GNAQ: variants seen among roughly 807,000 people sequenced by gnomAD.
GNAQ encodes the protein G protein subunit alpha q, also known as guanine nucleotide-binding protein G(q) subunit alpha.
GNAQ carries 8 observed loss-of-function variants against 43.9 expected under a neutral mutation model. The observed-to-expected ratio is 0.18, with a 90% CI of 0.11 to 0.33. GNAQ has a LOEUF of 0.33. Among genes scored for constraint, GNAQ ranks in the 10% least tolerant of loss-of-function variants. GNAQ has a pLI of 1.00. For missense variants in GNAQ, 158 were observed against 450.8 expected (o/e 0.35, Z 5.88); for synonymous variants, 155 against 170.7 (o/e 0.91, Z 0.71).
At chr9:77,981,411 A>C (rs1300034972) in intron 1 of GNAQ, among the ~76,000 whole-genome samples, 1 of 152,240 alleles carries the variant, frequency 6.6e-6, no homozygotes, top group Non-Finnish European at 1.5e-5. Context: ...TTCCTTTGCA[A>C]GAGGCTGTGC....
At chr9:77,894,338 T>TTA (rs1554723826) in intron 2 of GNAQ, among the ~76,000 whole-genome samples, 1 of 9,962 alleles carries the variant, frequency 1.0e-4, no homozygotes, top group African/African-American at 2.1e-4. Flanking sequence ...AAAATATATA[T>TTA]TATATATATT....
intron 1 of GNAQ, among the ~76,000 whole-genome samples, chr9:78,015,996 T>A (rs1426634806): frequency 6.6e-6 from 1 of 151,868 alleles, no homozygotes; most frequent in Non-Finnish European, 1.5e-5. Flanking sequence ...TCAAGACAAC[T>A]CAATGAGAAA....
At chr9:77,906,754 T>C (rs913224571) in intron 2 of GNAQ, among the ~76,000 whole-genome samples, 1 of 152,244 alleles carries the variant, frequency 6.6e-6, no homozygotes. Flanking sequence ...ACTTTGCTGC[T>C]AAAATGTTAA....
At chr9:77,980,635 C>T (rs1454085610) in intron 1 of GNAQ, among the ~76,000 whole-genome samples, 1 of 151,020 alleles carries the variant, frequency 6.6e-6, no homozygotes, top group Non-Finnish European at 1.5e-5. Flanking sequence ...AATTAAGAAG[C>T]AATTCCAAAA....
chr9:77,842,513 G>A (rs562621556), intron 2 of GNAQ, among the ~76,000 whole-genome samples: 21 of 152,148 alleles, frequency 1.4e-4, no homozygotes, highest in South Asian at 8.3e-4. Flanking sequence ...TTAGAAAAAA[G>A]ATACTTGTTG....
intron 1 of GNAQ, among the ~76,000 whole-genome samples, chr9:77,945,416 T>C (rs1196092029): frequency 1.3e-5 from 2 of 152,184 alleles, no homozygotes; most frequent in African/African-American, 2.4e-5. Context: ...CTGCCTCAGG[T>C]TGTGTCTGTC....
At chr9:77,844,484 G>A (rs921655733) in intron 2 of GNAQ, among the ~76,000 whole-genome samples, 1 of 152,118 alleles carries the variant, frequency 6.6e-6, no homozygotes, top group African/African-American at 2.4e-5. Flanking sequence ...AAAAAATTCT[G>A]ATCAGAAGAT....
intron 2 of GNAQ, among the ~76,000 whole-genome samples, chr9:77,916,308 T>C (rs961842995): frequency 6.6e-6 from 1 of 152,242 alleles, no homozygotes; most frequent in African/African-American, 2.4e-5. Context: ...TATGTATTTA[T>C]TATCTAGGTG....
chr9:77,945,435 G>C (rs1003768161), intron 1 of GNAQ, among the ~76,000 whole-genome samples: 1 of 152,172 alleles, frequency 6.6e-6, no homozygotes, highest in Non-Finnish European at 1.5e-5. Context: ...TCTGGGTTAT[G>C]ATTACATGCA....
In GNAQ at chr9:77,758,163, C is replaced by A. The variant is rs552352086; in HGVS notation, c.736-29496G>T. The stretch of plus-strand genomic sequence containing the variant: ...ACCATCTTTAATTCTCTGTGTGCTG[C>A]GCCACGCAAAGACATTTGTCTTACA... On this transcript the variant is annotated intron_variant, in intron 5 of 6. Coordinates refer to ENST00000286548, the MANE Select transcript of GNAQ (RefSeq NM_002072.5). Among the ~76,000 whole-genome samples, 68 of 152,324 alleles carry A rather than the reference C, an allele frequency of 4.5e-4. 1 individual carries two copies. The highest frequency in any genetic ancestry group is 1.6e-3 in the African/African-American group (67 of 41,562).
At chr9:77,821,236 T>C (rs1244207291) in intron 2 of GNAQ, among the ~76,000 whole-genome samples, 1 of 152,176 alleles carries the variant, frequency 6.6e-6, no homozygotes, top group Non-Finnish European at 1.5e-5. Context: ...AGTTATACTG[T>C]CTTTCCCAAA....
At chr9:77,938,157 T>C (rs1228440083) in intron 1 of GNAQ, among the ~76,000 whole-genome samples, 2 of 152,222 alleles carry the variant, frequency 1.3e-5, no homozygotes. Flanking sequence ...CCTGATACAA[T>C]GTAAATGCTA....
At chr9:77,806,805 A>G (rs1340484564) in intron 3 of GNAQ, among the ~76,000 whole-genome samples, 3 of 152,246 alleles carry the variant, frequency 2.0e-5, no homozygotes, top group Admixed American at 2.0e-4. Context: ...TGAACTACAA[A>G]GAAAAAAGGA....
chr9:78,012,165 A>C (rs1823781075), intron 1 of GNAQ, among the ~76,000 whole-genome samples: 1 of 152,200 alleles, frequency 6.6e-6, no homozygotes, highest in Non-Finnish European at 1.5e-5. Context: ...GTAGGTAAAA[A>C]AGAGGTCTAA....
chr9:77,786,096 A>T (rs1374726185), intron 5 of GNAQ, among the ~76,000 whole-genome samples: 2 of 152,118 alleles, frequency 1.3e-5, no homozygotes, highest in Non-Finnish European at 2.9e-5. Context: ...AGAGTTAACA[A>T]GCCAGGCGCG....
At chr9:77,782,941 GA>G (rs895043449) in intron 5 of GNAQ, among the ~76,000 whole-genome samples, 2 of 152,212 alleles carry the variant, frequency 1.3e-5, no homozygotes, top group African/African-American at 2.4e-5. Context: ...CTAGAAAAGG[GA>G]AAACTATGAA....
intron 5 of GNAQ, among the ~76,000 whole-genome samples, chr9:77,775,469 G>A (rs536051522): frequency 1.3e-5 from 2 of 150,244 alleles, no homozygotes; most frequent in African/African-American, 4.9e-5. Flanking sequence ...GAGTACAGTG[G>A]CGTGATATCA....
chr9:77,756,028 C>T, intron 5 of GNAQ, among the ~76,000 whole-genome samples: 1 of 152,144 alleles, frequency 6.6e-6, no homozygotes, highest in East Asian at 1.9e-4. Flanking sequence ...GGAATCAAAG[C>T]AGGCAGAAGA....
chr9:77,917,534 TA>T (rs758631055), intron 2 of GNAQ, among the ~76,000 whole-genome samples: 3,771 of 147,364 alleles, frequency 0.026, 68 homozygotes, highest in Middle Eastern at 0.031. Flanking sequence ...ATAATAAACT[TA>T]AAAAAAAAAG....
Sources: gnomAD v4.1 joint callset for allele counts (sites outside exome capture counted in the v4.1 genomes callset) on GRCh38, gnomAD v4.1.1 for gene constraint, MANE v1.5 for transcripts, NCBI Gene and HGNC (gene_info 2026-07-23, HGNC 2026-07-21) for gene names.